The following CDH23 variants were observed in gnomAD, a reference collection of about 807,000 sequenced individuals.
The protein encoded by CDH23 is cadherin related 23, also known as cadherin-23.
Under a neutral mutation model 317.1 loss-of-function variants are expected in CDH23, and 189 were observed. The ratio of observed to expected loss-of-function variants is 0.60; its 90% CI spans 0.53 to 0.67. The LOEUF (loss-of-function observed/expected upper bound fraction) is 0.67, where lower values mean the gene tolerates loss of function less well. Ranked by LOEUF, CDH23 falls within the 30% of genes least tolerant of loss-of-function variation. CDH23 has a pLI of 0.00. For synonymous variants in CDH23, 1,839 were observed against 1,876.8 expected (o/e 0.98, Z 0.52); for missense variants, 4,401 against 4,592.4 (o/e 0.96, Z 1.20).
intron 14 of CDH23, among the ~76,000 whole-genome samples, chr10:71,671,305 G>C (rs1382244115): frequency 6.6e-6 from 1 of 152,118 alleles, no homozygotes; most frequent in Non-Finnish European, 1.5e-5. Context: ...AAAATGGCCA[G>C]CTGGGCCATC....
intron 14 of CDH23, among the ~76,000 whole-genome samples, chr10:71,648,162 C>T (rs560269446): frequency 1.4e-4 from 21 of 152,312 alleles, no homozygotes; most frequent in African/African-American, 4.6e-4. Flanking sequence ...CTTCACCTCC[C>T]GCGTCTCTAG....
Position 71,403,161 on chromosome 10 carries a change from C to G in CDH23, c.-6+5843C>G, listed in dbSNP as rs116239660. On this transcript the variant is annotated intron_variant, in intron 1 of 69. Transcript: ENST00000224721. ...ACAAAAAACAACAACCAAAAAAAAACAAATCCAGCAGTCTGTATAAACATC... is the reference window on the plus strand; with the variant it reads ...ACAAAAAACAACAACCAAAAAAAAAGAAATCCAGCAGTCTGTATAAACATC... Among the ~76,000 whole-genome samples the G allele has an allele frequency of 2.1e-3, 319 of 151,922 alleles. 3 individuals are homozygous for G. The highest frequency in any genetic ancestry group is 7.0e-3 in the African/African-American group (291 of 41,440).
intron 14 of CDH23, among the ~76,000 whole-genome samples, chr10:71,654,003 CAGTT>C (rs1312099335): frequency 6.6e-6 from 1 of 152,124 alleles, no homozygotes; most frequent in Non-Finnish European, 1.5e-5. Flanking sequence ...TGGGTCCTCT[CAGTT>C]GGTGCGTTGG....
chr10:71,798,283 AG>A, intron 49 of CDH23, 70 bp from the exon 50 acceptor site: 2 of 1,187,296 alleles, frequency 1.7e-6, no homozygotes, highest in Non-Finnish European at 2.5e-6. Context: ...GGCTTGGCTG[AG>A]GCTAAGGAAG....
At chr10:71,696,019 ACAGGTTTGC>A (rs1207228240) in intron 22 of CDH23, among the ~76,000 whole-genome samples, 2 of 152,178 alleles carry the variant, frequency 1.3e-5, no homozygotes, top group African/African-American at 4.8e-5. Flanking sequence ...ATTTTCTGGC[ACAGGTTTGC>A]CAGGTTTGCA....
intron 9 of CDH23, among the ~76,000 whole-genome samples, chr10:71,586,652 C>T (rs1414817123): frequency 6.6e-6 from 1 of 152,162 alleles, no homozygotes; most frequent in Non-Finnish European, 1.5e-5. Flanking sequence ...TGTGTTCCTC[C>T]TCTACCCCAT....
At chr10:71,797,904 G>A (rs1348392258) in intron 49 of CDH23, among the ~76,000 whole-genome samples, 1 of 152,146 alleles carries the variant, frequency 6.6e-6, no homozygotes, top group African/African-American at 2.4e-5. Context: ...GGGAAGCCAG[G>A]CCTGGCAGAT....
At chr10:71,697,564 T>A (rs1363684765) in intron 22 of CDH23, among the ~76,000 whole-genome samples, 1 of 151,854 alleles carries the variant, frequency 6.6e-6, no homozygotes, top group Non-Finnish European at 1.5e-5. Context: ...TCCCAGATAC[T>A]CAGGAGGCTA....
In CDH23 at chr10:71,800,681, C is replaced by T. The variant is rs765974547; in HGVS notation, c.7408C>T (p.His2470Tyr). 1 of 1,613,944 alleles carries T rather than the reference C, an allele frequency of 6.2e-7. No individual in the cohort carries two copies. The highest frequency in any genetic ancestry group is 1.1e-5 in the South Asian group (1 of 91,074). ...LSSLDREKKD[H>Y]YILTALAKDN... Reference sequence around the variant, plus strand: ...TTCTCTGGACCGGGAGAAGAAGGACCACTATATCCTGACTGCCTTGGCCAA... The same window carrying T: ...TTCTCTGGACCGGGAGAAGAAGGACTACTATATCCTGACTGCCTTGGCCAA... The change falls in exon 53 of 70, where the codon CAC (histidine) becomes TAC (tyrosine). Residue 2470 changes from histidine to tyrosine, a missense_variant. This residue lies in a region of CDH23 where 189 missense variants were observed against 250.9 expected (regional missense o/e 0.75). Transcript: ENST00000224721.
intron 6 of CDH23, among the ~76,000 whole-genome samples, chr10:71,565,405 G>A (rs1329956786): frequency 6.6e-6 from 1 of 152,088 alleles, no homozygotes; most frequent in Admixed American, 6.5e-5. Context: ...TTCTCTTCCT[G>A]CTCTGGGAGC....
intron 61 of CDH23, 75 bp from the exon 62 acceptor site, chr10:71,810,397 T>C: frequency 7.4e-7 from 1 of 1,352,146 alleles, no homozygotes; most frequent in Non-Finnish European, 1.1e-6. Flanking sequence ...CAGAAGGGGT[T>C]CCTAAAAGAG....
Position 71,519,710 on chromosome 10 carries a change from C to T in CDH23, c.429+8498C>T, listed in dbSNP as rs573728458. Among the ~76,000 whole-genome samples, 9 of 152,120 alleles carry T rather than the reference C, an allele frequency of 5.9e-5. No individual in the cohort carries two copies. In the South Asian group the frequency reaches 1.0e-3, roughly 18 times the overall value. ...GAGTTGTGAAAGTTTAATGAGAGCA[C>T]GTGTATGAAGCACCACATACATAGG... On this transcript the variant is annotated intron_variant, in intron 6 of 69. Coordinates refer to ENST00000224721, the MANE Select transcript of CDH23 (RefSeq NM_022124.6).
chr10:71,762,272 G>C (rs181452340), intron 38 of CDH23, among the ~76,000 whole-genome samples: 5 of 152,354 alleles, frequency 3.3e-5, no homozygotes, highest in Admixed American at 3.3e-4. Context: ...GGCAGGGAGA[G>C]ACTTGGAGGG....
intron 2 of CDH23, among the ~76,000 whole-genome samples, chr10:71,442,926 GT>G (rs1849964236): frequency 1.3e-5 from 2 of 152,198 alleles, no homozygotes; most frequent in Admixed American, 1.3e-4. Context: ...AGGGCTTTTT[GT>G]CCCCATCCTG....
intron 28 of CDH23, among the ~76,000 whole-genome samples, chr10:71,722,749 T>C (rs998689237): frequency 2.6e-5 from 4 of 152,076 alleles, no homozygotes; most frequent in African/African-American, 9.7e-5. Context: ...GGCATGAACA[T>C]GCAAATATCT....
Position 71,805,859 on chromosome 10 carries a change from G to C in CDH23, c.7926G>C (p.Glu2642Asp). 2.5e-6 allele frequency: 4 copies of C among 1,613,792 alleles called. No individual in the cohort carries two copies. The highest frequency in any genetic ancestry group is 3.4e-6 in the Non-Finnish European group (4 of 1,179,838). The stretch of plus-strand genomic sequence containing the variant: ...AGGTCTACGCCACGGACAAGGATGA[G>C]GGCCTCAACGGGGCGGTGCGCTACA... ...VYEVYATDKD[E>D]GLNGAVRYSF... Residue 2642 changes from glutamate to aspartate, a missense_variant, in exon 56 of 70, where the codon GAG (glutamate) becomes GAC (aspartate). Coordinates refer to ENST00000224721, the MANE Select transcript of CDH23 (RefSeq NM_022124.6).
chr10:71,626,472 A>G (rs1475043254), intron 11 of CDH23, among the ~76,000 whole-genome samples: 1 of 152,076 alleles, frequency 6.6e-6, no homozygotes, highest in Non-Finnish European at 1.5e-5. Context: ...CCAGCTCTGG[A>G]CCACACTGTT....
At chr10:71,466,875 GGT>G (rs148614100) in intron 3 of CDH23, among the ~76,000 whole-genome samples, 9 of 150,400 alleles carry the variant, frequency 6.0e-5, no homozygotes, top group South Asian at 2.1e-4. Context: ...CAGCATGAGG[GGT>G]GTGTGTGTGT....
chr10:71,740,066 C>G (rs535487656), intron 36 of CDH23, among the ~76,000 whole-genome samples: 1 of 152,272 alleles, frequency 6.6e-6, no homozygotes, highest in Non-Finnish European at 1.5e-5. Context: ...CTGGGAGAGC[C>G]CCAGCTCTTC....
Sources: allele counts gnomAD v4.1 joint callset (sites outside exome capture counted in the v4.1 genomes callset), GRCh38; gene constraint gnomAD v4.1.1; regional missense constraint gnomAD v4.1.1; transcripts MANE v1.5; gene names NCBI Gene and HGNC (gene_info 2026-07-23, HGNC 2026-07-21).